The following KCNK10 variants were observed in gnomAD, a reference collection of about 807,000 sequenced individuals.
KCNK10 encodes potassium two pore domain channel subfamily K member 10, also known as potassium channel subfamily K member 10.
KCNK10 carries 25 observed loss-of-function variants against 47.7 expected under a neutral mutation model. The observed-to-expected ratio is 0.52, with a 90% CI of 0.38 to 0.73. The LOEUF (loss-of-function observed/expected upper bound fraction) is 0.73. KCNK10 is among the 30% of genes least tolerant of loss of function. KCNK10 has a pLI of 0.00. For synonymous variants in KCNK10, 303 were observed against 285.6 expected (o/e 1.06, Z -0.61); for missense variants, 563 against 714.5 (o/e 0.79, Z 2.42).
intron 1 of KCNK10, among the ~76,000 whole-genome samples, chr14:88,292,722 C>T (rs1205882046): frequency 3.3e-5 from 5 of 152,172 alleles, no homozygotes; most frequent in African/African-American, 4.8e-5. Context: ...AAAGCCCTCC[C>T]CACTTGTTCA....
At position 88,185,322 on chromosome 14, in the gene KCNK10, G is replaced by T; in HGVS notation, c.*213C>A. ...CTACGTGCACGGACACTCTTGGTGT[G>T]TCCTGCGTTTGCTATCTGAAATGAA... On this transcript the variant is annotated 3_prime_UTR_variant, in exon 7 of 7. Coordinates refer to ENST00000319231, the MANE Select transcript of KCNK10 (RefSeq NM_138317.3). The surrounding 1 kb of genome is among the most constrained non-coding windows in gnomAD (Gnocchi z 4.3). 1.5e-6 allele frequency: 1 copy of T among 664,108 alleles called. No homozygotes were observed. The highest frequency in any genetic ancestry group is 2.4e-6 in the Non-Finnish European group (1 of 409,126). The allele number at this position is 664,108 out of a possible 1,614,324, so 41.1% of individuals were successfully genotyped here.
chr14:88,190,099 A>G (rs1332950074), intron 5 of KCNK10, among the ~76,000 whole-genome samples: 1 of 152,214 alleles, frequency 6.6e-6, no homozygotes, highest in Non-Finnish European at 1.5e-5. Flanking sequence ...ACTAGTTTGT[A>G]CTAAGTGCTC....
intron 1 of KCNK10, among the ~76,000 whole-genome samples, chr14:88,296,158 C>T (rs2139785663): frequency 6.6e-6 from 1 of 152,272 alleles, no homozygotes; most frequent in Middle Eastern, 3.4e-3. Context: ...CTTCTGAGAC[C>T]TCACATAACC....
chr14:88,284,646 C>A (rs761372094), intron 1 of KCNK10, among the ~76,000 whole-genome samples: 2 of 152,150 alleles, frequency 1.3e-5, no homozygotes. Flanking sequence ...GAAGACTCAG[C>A]GAGTCTGCTC....
chr14:88,251,874 C>T (rs940632902), intron 2 of KCNK10, among the ~76,000 whole-genome samples: 2 of 152,206 alleles, frequency 1.3e-5, no homozygotes, highest in Non-Finnish European at 2.9e-5. Flanking sequence ...TTCCTCCCAT[C>T]CAGGGCCTTG....
chr14:88,192,454 C>T (rs1215778760), intron 4 of KCNK10, 44 bp from the exon 5 acceptor site: 1 of 1,547,960 alleles, frequency 6.5e-7, no homozygotes, highest in Non-Finnish European at 8.9e-7. Flanking sequence ...AGCGGCATCA[C>T]CCTGGATTCA....
intron 1 of KCNK10, among the ~76,000 whole-genome samples, chr14:88,265,507 C>G (rs987970246): frequency 1.3e-5 from 2 of 152,164 alleles, no homozygotes; most frequent in African/African-American, 4.8e-5. Flanking sequence ...CCAAGTGAGG[C>G]TGATTTTGAA....
intron 4 of KCNK10, among the ~76,000 whole-genome samples, chr14:88,197,860 G>A (rs936172246): frequency 3.7e-5 from 1 of 27,086 alleles, no homozygotes; most frequent in African/African-American, 3.0e-4. Context: ...GGAGGGAAGG[G>A]AGAGAGAGAG....
At chr14:88,286,898 T>C (rs1887775700) in intron 1 of KCNK10, among the ~76,000 whole-genome samples, 1 of 152,196 alleles carries the variant, frequency 6.6e-6, no homozygotes, top group African/African-American at 2.4e-5. Context: ...CAGCCAAACC[T>C]TATCACATGC....
intron 1 of KCNK10, among the ~76,000 whole-genome samples, chr14:88,303,187 G>A (rs1888138549): frequency 6.6e-6 from 1 of 152,138 alleles, no homozygotes; most frequent in Non-Finnish European, 1.5e-5. Flanking sequence ...TGAAGTCTGG[G>A]TCCTTGAAGG....
chr14:88,257,054 G>C (rs1433045617), intron 2 of KCNK10, among the ~76,000 whole-genome samples: 1 of 152,174 alleles, frequency 6.6e-6, no homozygotes, highest in East Asian at 1.9e-4. Flanking sequence ...GCAGCACATA[G>C]CAGAAATCTT....
chr14:88,256,982 T>G (rs1299504075), intron 2 of KCNK10, among the ~76,000 whole-genome samples: 22 of 152,182 alleles, frequency 1.4e-4, no homozygotes, highest in Admixed American at 1.4e-3. Flanking sequence ...TTAAGTGGTA[T>G]AGGATTTAAC....
At chr14:88,224,445 T>C (rs1200060446) in intron 4 of KCNK10, among the ~76,000 whole-genome samples, 2 of 152,238 alleles carry the variant, frequency 1.3e-5, no homozygotes, top group East Asian at 1.9e-4. Context: ...AAAACTCCAA[T>C]AGTCAGGCAT....
chr14:88,301,774 G>A (rs1377261890), intron 1 of KCNK10, among the ~76,000 whole-genome samples: 1 of 152,190 alleles, frequency 6.6e-6, no homozygotes, highest in Non-Finnish European at 1.5e-5. Flanking sequence ...CCTTGGAAAG[G>A]AGGTCAGCAC....
At chr14:88,214,937 G>A (rs1201428731) in intron 4 of KCNK10, among the ~76,000 whole-genome samples, 1 of 152,180 alleles carries the variant, frequency 6.6e-6, no homozygotes, top group Non-Finnish European at 1.5e-5. Context: ...AGAAGAAAGG[G>A]CATATAGTGG....
upstream of KCNK10, chr14:88,323,396 G>A: frequency 1.5e-6 from 1 of 683,308 alleles, no homozygotes; most frequent in Non-Finnish European, 1.8e-6. Context: ...GGGGTGGCGC[G>A]GCGCCCGGGC....
At chr14:88,300,975 T>C (rs1165725631) in intron 1 of KCNK10, among the ~76,000 whole-genome samples, 1 of 152,218 alleles carries the variant, frequency 6.6e-6, no homozygotes, top group Non-Finnish European at 1.5e-5. Context: ...ATACGGACTT[T>C]GGATTCAGTC....
chr14:88,252,874 T>C (rs935247696), intron 2 of KCNK10, among the ~76,000 whole-genome samples: 1 of 152,152 alleles, frequency 6.6e-6, no homozygotes, highest in Non-Finnish European at 1.5e-5. Context: ...GCACTAACTG[T>C]CACAAAGGAG....
chr14:88,287,243 G>C (rs1171851345), intron 1 of KCNK10, among the ~76,000 whole-genome samples: 1 of 152,182 alleles, frequency 6.6e-6, no homozygotes, highest in Non-Finnish European at 1.5e-5. Context: ...AGCTAGCATA[G>C]TGTTTGGCAT....
Sources: gnomAD v4.1 joint callset for allele counts (sites outside exome capture counted in the v4.1 genomes callset) on GRCh38, gnomAD v4.1.1 for gene constraint, Gnocchi (gnomAD v3.1) non-coding constraint, MANE v1.5 for transcripts, NCBI Gene and HGNC (gene_info 2026-07-23, HGNC 2026-07-21) for gene names.